Variants in DCPS observed in about 807,000 individuals in gnomAD.
The protein encoded by DCPS is m7GpppX diphosphatase.
Under a neutral mutation model 34.7 loss-of-function variants are expected in DCPS, and 27 were observed. The observed-to-expected ratio is 0.78, with a 90% CI of 0.57 to 1.07. The LOEUF is 1.07. Ranked by LOEUF, DCPS falls within the 50% of genes least tolerant of loss-of-function variation. DCPS has a pLI of 0.00. For missense variants in DCPS, 464 were observed against 436.9 expected (o/e 1.06, Z -0.55); for synonymous variants, 185 against 185.7 (o/e 1.00, Z 0.03).
chr11:126,317,234 C>T (rs1353672617), intron 2 of DCPS, among the ~76,000 whole-genome samples: 1 of 151,328 alleles, frequency 6.6e-6, no homozygotes, highest in African/African-American at 2.5e-5. Flanking sequence ...GCTGGGATTA[C>T]AGGCGTGAGC....
At chr11:126,341,947 G>A (rs1205361703) in intron 4 of DCPS, 3 of 152,262 alleles carry the variant, frequency 2.0e-5, no homozygotes, top group Non-Finnish European at 4.4e-5. Flanking sequence ...AAAGACCATG[G>A]CATAGTTGGA....
chr11:126,324,629 C>CTT (rs58091804), intron 2 of DCPS, among the ~76,000 whole-genome samples: 2,168 of 99,694 alleles, frequency 0.022, 151 homozygotes, highest in East Asian at 0.064. Context: ...ATTTTTCTGC[C>CTT]TTTTTTTTTT....
Position 126,349,908 on chromosome 11 carries a change from GTT to G in DCPS, c.*4298_*4299del, listed in dbSNP as rs1292828701. ...ATCCATGTCAACTTGAAGTTACCAA[GTT>G]TTAACCACTGTTAGAAAATAAGCAG... is the stretch of plus-strand genomic sequence containing the variant. On this transcript the variant is annotated 3_prime_UTR_variant, in exon 6 of 6. Transcript: ENST00000263579. The surrounding 1 kb of genome is among the most constrained non-coding windows in gnomAD (Gnocchi z 5.4). 1.3e-5 allele frequency among the ~76,000 whole-genome samples: 2 copies of G among 152,184 alleles called. No homozygotes were observed. Among genetic ancestry groups the G allele is most frequent in the East Asian group, 3.8e-4 (2 of 5,200 alleles).
Position 126,331,271 on chromosome 11 carries a change from G to T in DCPS, c.377-134G>T. Reference sequence around the variant, plus strand: ...GGCACTCTGTGGGAGTGGATCTTGGGTGCATGATCCTCTTGGATTTTGGCT... The same window carrying T: ...GGCACTCTGTGGGAGTGGATCTTGGTTGCATGATCCTCTTGGATTTTGGCT... On this transcript the variant is annotated intron_variant, in intron 2 of 5. Transcript: ENST00000263579. The surrounding 1 kb of genome is among the most constrained non-coding windows in gnomAD (Gnocchi z 7.2). The T allele has an allele frequency of 1.5e-6, 2 of 1,305,904 alleles. 1 individual carries two copies. 80.9% of individuals were successfully genotyped at this position (1,305,904 alleles called of 1,614,324 possible).
rs140374510 is a variant in DCPS, at chr11:126,329,641, C to G, written c.377-1764C>G. 7.9e-4 allele frequency among the ~76,000 whole-genome samples: 120 copies of G among 152,284 alleles called. 1 individual carries two copies. The highest frequency in any genetic ancestry group is 2.6e-3 in the African/African-American group (109 of 41,556). On this transcript the variant is annotated intron_variant, in intron 2 of 5. Coordinates refer to ENST00000263579, the MANE Select transcript of DCPS (RefSeq NM_014026.6). The surrounding 1 kb of genome is among the most constrained non-coding windows in gnomAD (Gnocchi z 5.0). ...AGTAGCCTGTGGTGTTGCAGGAGCA[C>G]TGGCTTTAGGGTGAGATGGCCTCAG...
chr11:126,339,046 T>TA (rs1951856832), intron 4 of DCPS, among the ~76,000 whole-genome samples: 1 of 152,232 alleles, frequency 6.6e-6, no homozygotes. Flanking sequence ...AGTTATCACT[T>TA]ACCACCACCT....
At position 126,335,155 on chromosome 11, in the gene DCPS, A is replaced by G. The variant is rs115887879; in HGVS notation, c.523-3131A>G. ...CCTGGGAGACGTGGCCAGGCCACAC[A>G]TGGCTGGAGGGGAAGTGCAAGGCAG... On this transcript the variant is annotated intron_variant, in intron 3 of 5. Coordinates refer to ENST00000263579, the MANE Select transcript of DCPS (RefSeq NM_014026.6). The surrounding 1 kb of genome is among the most constrained non-coding windows in gnomAD (Gnocchi z 4.8). 8.5e-3 allele frequency among the ~76,000 whole-genome samples: 1,300 copies of G among 152,326 alleles called. 17 individuals are homozygous for G. The highest frequency in any genetic ancestry group is 0.029 in the African/African-American group (1,217 of 41,580).
intron 2 of DCPS, among the ~76,000 whole-genome samples, chr11:126,308,194 G>A (rs1237539147): frequency 6.6e-6 from 1 of 152,208 alleles, no homozygotes; most frequent in African/African-American, 2.4e-5. Flanking sequence ...GTTAGATTTT[G>A]TAGGCAGCTT....
intron 4 of DCPS, among the ~76,000 whole-genome samples, chr11:126,340,128 C>T (rs1226801734): frequency 6.6e-6 from 1 of 152,192 alleles, no homozygotes; most frequent in Admixed American, 6.5e-5. Context: ...CCAGTGCCTC[C>T]AGGCTCTGCT....
In DCPS at chr11:126,325,635, T is replaced by A. The variant is rs1012765551; in HGVS notation, c.377-5770T>A. 2.6e-5 allele frequency among the ~76,000 whole-genome samples: 4 copies of A among 152,188 alleles called. No homozygotes were observed. Among genetic ancestry groups the A allele is most frequent in the African/African-American group, 9.7e-5 (4 of 41,438 alleles). ...GCAGGGAGGAGCAGAAAAGTGTTTT[T>A]GAAAACAAGCTTCATTTGACTCTTT... is the stretch of plus-strand genomic sequence containing the variant. On this transcript the variant is annotated intron_variant, in intron 2 of 5. Coordinates refer to ENST00000263579, the MANE Select transcript of DCPS (RefSeq NM_014026.6). This position sits in a 1 kb window ranked among gnomAD's most constrained non-coding sequence, Gnocchi z 4.3.
rs73019434 is a variant in DCPS at position 126,335,084 on chromosome 11, G to T, written c.523-3202G>T. ...TGGCAGCCACCATCCCCTACTCTAG[G>T]TAACTGTTCAGAGGGACAGGCACAG... On this transcript the variant is annotated intron_variant, in intron 3 of 5. Coordinates refer to ENST00000263579, the MANE Select transcript of DCPS (RefSeq NM_014026.6). This position sits in a 1 kb window ranked among gnomAD's most constrained non-coding sequence, Gnocchi z 4.8. 0.022 allele frequency among the ~76,000 whole-genome samples: 3,292 copies of T among 152,306 alleles called. 46 individuals are homozygous for T. Among genetic ancestry groups the T allele is most frequent in the Non-Finnish European group, 0.034 (2,307 of 68,028 alleles).
chr11:126,308,653 C>T (rs1163741180), intron 2 of DCPS, among the ~76,000 whole-genome samples: 1 of 152,114 alleles, frequency 6.6e-6, no homozygotes, highest in East Asian at 1.9e-4. Context: ...TGGGGTGGCC[C>T]CCTGCATTGC....
chr11:126,306,057 C>T (rs1289332833), intron 1 of DCPS, among the ~76,000 whole-genome samples: 4 of 152,168 alleles, frequency 2.6e-5, no homozygotes, highest in Admixed American at 1.3e-4. Context: ...GGTGTGAGAA[C>T]TGCCACAAGG....
intron 2 of DCPS, among the ~76,000 whole-genome samples, chr11:126,330,719 ATTTTTTTTTTT>A (rs1167717646): frequency 1.6e-4 from 3 of 18,876 alleles, no homozygotes; most frequent in Non-Finnish European, 2.6e-4. Flanking sequence ...ATATATATAT[ATTTTTTTTTTT>A]TTTTTTTTTT....
In DCPS at chr11:126,334,774, C is replaced by T. The variant is rs915444176; in HGVS notation, c.522+3224C>T. ...CTTAGATGTGAGGTACTTATAACTT[C>T]CCAGTAAAAACTGCAGTGGGATGTC... On this transcript the variant is annotated intron_variant, in intron 3 of 5. Transcript: ENST00000263579. The surrounding 1 kb of genome is among the most constrained non-coding windows in gnomAD (Gnocchi z 5.5). Among the ~76,000 whole-genome samples the T allele has an allele frequency of 1.3e-5, 2 of 152,200 alleles. No individual in the cohort carries two copies. Among genetic ancestry groups the T allele is most frequent in the African/African-American group, 2.4e-5 (1 of 41,450 alleles).
Position 126,338,599 on chromosome 11 carries a change from GC to G in DCPS, c.636+203del, listed in dbSNP as rs1283810687. Among the ~76,000 whole-genome samples the G allele has an allele frequency of 2.6e-5, 4 of 152,208 alleles. No individual in the cohort carries two copies. The East Asian group carries it at 5.8e-4, about 22-fold the overall frequency. ...TTTTGCTTTAATGGGTCAGCTTAAA[GC>G]CCTTTCTGGCTGTCCTCCCACCCAA... On this transcript the variant is annotated intron_variant, in intron 4 of 5. Coordinates refer to ENST00000263579, the MANE Select transcript of DCPS (RefSeq NM_014026.6). This position sits in a 1 kb window ranked among gnomAD's most constrained non-coding sequence, Gnocchi z 5.4.
Position 126,334,969 on chromosome 11 carries a change from T to C in DCPS, c.523-3317T>C, listed in dbSNP as rs1951819285. Among the ~76,000 whole-genome samples the C allele has an allele frequency of 5.9e-5, 9 of 152,228 alleles. No homozygotes were observed. The highest frequency in any genetic ancestry group is 5.9e-4 in the Admixed American group (9 of 15,284). On this transcript the variant is annotated intron_variant, in intron 3 of 5. Transcript: ENST00000263579. The surrounding 1 kb of genome is among the most constrained non-coding windows in gnomAD (Gnocchi z 5.5). The stretch of plus-strand genomic sequence containing the variant: ...TTCCTTGTCTGAAAAATGTAACTAA[T>C]GGCTCCTCCCTCCTGGGTGTTGTGG...
rs1213103098 is a variant in DCPS, at chr11:126,332,608, A to G, written c.522+1058A>G. ...GTGTGGGCACTGCAAGGTGAATTGT[A>G]CTTGACAGGAGTAAGGAAAGGGAGG... On this transcript the variant is annotated intron_variant, in intron 3 of 5. Transcript: ENST00000263579. This position sits in a 1 kb window ranked among gnomAD's most constrained non-coding sequence, Gnocchi z 5.4. Among the ~76,000 whole-genome samples the G allele has an allele frequency of 6.6e-6, 1 of 152,148 alleles. No homozygotes were observed. The highest frequency in any genetic ancestry group is 1.5e-5 in the Non-Finnish European group (1 of 68,018).
Position 126,323,541 on chromosome 11 carries a change from CT to C in DCPS, c.377-7852del, listed in dbSNP as rs11291658. 0.48 allele frequency among the ~76,000 whole-genome samples: 70,218 copies of C among 147,276 alleles called. 16,874 individuals carry two copies. The highest frequency in any genetic ancestry group is 0.85 in the East Asian group (4,276 of 5,004). ...TATTAAAGTTGCATTTCTTTCTTTTCTTTTTTTTTTTTGAGACAGGGTCTTG... is the reference window on the plus strand; with the variant it reads ...TATTAAAGTTGCATTTCTTTCTTTTCTTTTTTTTTTTGAGACAGGGTCTTG... On this transcript the variant is annotated intron_variant, in intron 2 of 5. Coordinates refer to ENST00000263579, the MANE Select transcript of DCPS (RefSeq NM_014026.6). This position sits in a 1 kb window ranked among gnomAD's most constrained non-coding sequence, Gnocchi z 4.4.
Sources: gnomAD v4.1 joint callset for allele counts (sites outside exome capture counted in the v4.1 genomes callset) on GRCh38, gnomAD v4.1.1 for gene constraint, Gnocchi (gnomAD v3.1) non-coding constraint, MANE v1.5 for transcripts, NCBI Gene and HGNC (gene_info 2026-07-23, HGNC 2026-07-21) for gene names.